The following MLKL variants were observed in gnomAD, a reference collection of about 807,000 sequenced individuals.
MLKL encodes the protein mixed lineage kinase domain-like protein.
In MLKL, 55 loss-of-function variants were observed where a neutral mutation model predicts 56.5. The ratio of observed to expected loss-of-function variants is 0.97; its 90% CI spans 0.78 to 1.22. The LOEUF is 1.22. MLKL is among the 50% of genes most tolerant of loss of function. The pLI is 0.00. For synonymous variants in MLKL, 251 were observed against 208.3 expected (o/e 1.20, Z -1.76); for missense variants, 694 against 573.9 (o/e 1.21, Z -2.14).
At chr16:74,673,910 C>A (rs1959399631) in intron 10 of MLKL, among the ~76,000 whole-genome samples, 1 of 145,684 alleles carries the variant, frequency 6.9e-6, no homozygotes, top group Non-Finnish European at 1.5e-5. Flanking sequence ...CTGTCAATAG[C>A]CACTGCACTC....
chr16:74,676,514 T>G (rs1376900433), intron 7 of MLKL: 1 of 975,644 alleles, frequency 1.0e-6, no homozygotes, highest in African/African-American at 1.8e-5. Context: ...ACACGTTTCC[T>G]GAGCACTGAC....
intron 3 of MLKL, 28 bp from the exon 4 acceptor site, chr16:74,691,491 A>AC: frequency 6.3e-7 from 1 of 1,597,422 alleles, no homozygotes; most frequent in Non-Finnish European, 8.5e-7. Context: ...AGGAAAGAAG[A>AC]CAAAAGAGTC....
intron 7 of MLKL, chr16:74,677,031 G>T (rs958298602): frequency 1.3e-5 from 2 of 151,828 alleles, no homozygotes; most frequent in African/African-American, 2.4e-5. Context: ...ATGCTTTGTA[G>T]CAAATTTTTC....
At chr16:74,672,984 C>G (rs11866290) in intron 10 of MLKL, among the ~76,000 whole-genome samples, 1,931 of 152,244 alleles carry the variant, frequency 0.013, 42 homozygotes, top group African/African-American at 0.044. Context: ...AAGTTTCAGA[C>G]AGAAACTATG....
At chr16:74,680,213 T>G (rs1288967789) in intron 6 of MLKL, among the ~76,000 whole-genome samples, 1 of 152,108 alleles carries the variant, frequency 6.6e-6, no homozygotes, top group African/African-American at 2.4e-5. Context: ...GGGGGATGGG[T>G]AAATAGAGCT....
At chr16:74,697,186 C>G (rs1339872647) in intron 1 of MLKL, among the ~76,000 whole-genome samples, 4 of 151,578 alleles carry the variant, frequency 2.6e-5, no homozygotes, top group African/African-American at 9.7e-5. Context: ...TAACCTCTCT[C>G]TCTTCTCTGA....
intron 1 of MLKL, among the ~76,000 whole-genome samples, chr16:74,697,698 A>AG (rs1401667358): frequency 2.0e-5 from 3 of 152,066 alleles, no homozygotes; most frequent in East Asian, 3.9e-4. Flanking sequence ...TGGGACCTGT[A>AG]GTCCCAGCTA....
intron 4 of MLKL, among the ~76,000 whole-genome samples, chr16:74,686,506 C>G (rs1960338347): frequency 6.6e-6 from 1 of 152,142 alleles, no homozygotes; most frequent in Non-Finnish European, 1.5e-5. Flanking sequence ...CGGCGTGAAC[C>G]CAGGAGGTGG....
intron 1 of MLKL, among the ~76,000 whole-genome samples, chr16:74,697,948 G>C (rs1467018589): frequency 6.6e-6 from 1 of 152,212 alleles, no homozygotes; most frequent in Non-Finnish European, 1.5e-5. Context: ...ACTCAAACCT[G>C]TAATCCCAGC....
At chr16:74,682,820 G>GC in intron 5 of MLKL, 34 bp from the exon 6 acceptor site, 1 of 1,610,784 alleles carries the variant, frequency 6.2e-7, no homozygotes, top group Non-Finnish European at 8.5e-7. Flanking sequence ...ATGAGGACCC[G>GC]CCCTACTTGA....
chr16:74,675,006 A>G lies in MLKL; in HGVS notation c.1335T>C (p.Ile445=). The change falls in exon 10 of 11, where the codon ATT becomes ATC. Residue 445 remains isoleucine, a synonymous_variant. Transcript: ENST00000308807. ...EDCPSELREI[I]DECRAHDPSV... is the part of the protein sequence containing the mutation. Reference sequence around the variant, plus strand: ...AGGGATCATGGGCCCGGCACTCATCAATGATCTCCCGCAGCTCTGAAGGGC... The same window carrying G: ...AGGGATCATGGGCCCGGCACTCATCGATGATCTCCCGCAGCTCTGAAGGGC... 1 of 1,614,150 alleles carries G rather than the reference A, an allele frequency of 6.2e-7. No individual in the cohort carries two copies. Among genetic ancestry groups the G allele is most frequent in the Non-Finnish European group, 8.5e-7 (1 of 1,180,026 alleles).
rs1567602888 is a variant in MLKL, at chr16:74,678,923, C to CA, written c.1013dup (p.Val339GlyfsTer13). 1 of 1,614,138 alleles carries CA rather than the reference C, an allele frequency of 6.2e-7. No homozygotes were observed. The highest frequency in any genetic ancestry group is 8.5e-7 in the Non-Finnish European group (1 of 1,180,016). ...CCTTCACTTGGTAGCCTTGAGTTAC[C>CA]AGGAAGTTTGAGCTTCTGATTTTTC... On this transcript the variant is annotated frameshift_variant, in exon 7 of 11. Transcript: ENST00000308807. LOFTEE classifies it high-confidence loss of function.
Position 74,675,112 on chromosome 16 carries a change from A to G in MLKL, c.1241-12T>C. The G allele has an allele frequency of 6.2e-7, 1 of 1,613,322 alleles. No individual in the cohort carries two copies. Among genetic ancestry groups the G allele is most frequent in the Non-Finnish European group, 8.5e-7 (1 of 1,179,538 alleles). Reference sequence around the variant, plus strand: ...CTCAGAATTACAGCCTGGAAATGATAGCATGAGAGCCTCAAAAAATTGCTC... The same window carrying G: ...CTCAGAATTACAGCCTGGAAATGATGGCATGAGAGCCTCAAAAAATTGCTC... On this transcript the variant is annotated splice_polypyrimidine_tract_variant and intron_variant, in intron 9 of 10. Coordinates refer to ENST00000308807, the MANE Select transcript of MLKL (RefSeq NM_152649.4).
intron 1 of MLKL, among the ~76,000 whole-genome samples, 190 bp from the exon 2 acceptor site, chr16:74,695,949 C>T (rs539168034): frequency 9.8e-5 from 15 of 152,342 alleles, no homozygotes; most frequent in African/African-American, 3.4e-4. Context: ...AGAGTTGTAG[C>T]TGGGAAGAGC....
chr16:74,675,391 G>A lies in MLKL; in HGVS notation c.1204C>T (p.Leu402Phe), dbSNP rs750447838. ...KSEIYSFGIV[L>F]WEIATGDIPF... The stretch of plus-strand genomic sequence containing the variant: ...ATATCTCCAGTGGCGATTTCCCAGA[G>A]GACGATTCCAAAGCTAAAAGAAAAC... Residue 402 changes from leucine (L) to phenylalanine (F), a missense_variant, in exon 9 of 11, where the codon CTC becomes TTC. Leu to Phe is a conservative substitution (Grantham distance 22). Transcript: ENST00000308807. 1.2e-6 allele frequency: 2 copies of A among 1,613,998 alleles called. No individual in the cohort carries two copies. Among genetic ancestry groups the A allele is most frequent in the Admixed American group, 3.3e-5 (2 of 60,022 alleles).
chr16:74,676,023 A>G (rs930800954), intron 7 of MLKL: 6 of 463,374 alleles, frequency 1.3e-5, no homozygotes, highest in Admixed American at 3.9e-5. Flanking sequence ...TACTTGAGAT[A>G]ATGGTTATAA....
At chr16:74,699,496 G>C (rs1961251290) in intron 1 of MLKL, among the ~76,000 whole-genome samples, 1 of 152,160 alleles carries the variant, frequency 6.6e-6, no homozygotes. Context: ...TACAAGGGAA[G>C]AAAGGGAATA....
chr16:74,695,259 T>G, intron 2 of MLKL, 39 bp downstream of exon 2: 1 of 1,586,148 alleles, frequency 6.3e-7, no homozygotes. Context: ...TAAAATGCAT[T>G]CAACTGCACT....
At chr16:74,699,336 G>T (rs1436243603) in intron 1 of MLKL, among the ~76,000 whole-genome samples, 1 of 152,050 alleles carries the variant, frequency 6.6e-6, no homozygotes, top group African/African-American at 2.4e-5. Flanking sequence ...CATTTGAAAT[G>T]GGAAATTAGT....
Sources: gnomAD v4.1 joint callset for allele counts (sites outside exome capture counted in the v4.1 genomes callset) on GRCh38, gnomAD v4.1.1 for gene constraint, MANE v1.5 for transcripts, NCBI Gene and HGNC (gene_info 2026-07-23, HGNC 2026-07-21) for gene names.